Variants in COLEC12 observed in about 807,000 individuals in gnomAD.
COLEC12 encodes the protein collectin subfamily member 12, also known as collectin-12.
Under a neutral mutation model 71.1 loss-of-function variants are expected in COLEC12, and 33 were observed. The ratio of observed to expected loss-of-function variants is 0.46; its 90% confidence interval spans 0.35 to 0.62. COLEC12 has a LOEUF of 0.62. Ranked by LOEUF, COLEC12 falls within the 20% of genes least tolerant of loss-of-function variation. COLEC12 has a pLI of 0.00. For missense variants in COLEC12, 765 were observed against 916.1 expected (o/e 0.84, Z 2.13); for synonymous variants, 350 against 353.0 (o/e 0.99, Z 0.10).
rs529719268 is a variant in COLEC12, at chr18:469,910, A to T, written c.58+10797T>A. Among the ~76,000 whole-genome samples, 7 of 152,298 alleles carry T rather than the reference A, an allele frequency of 4.6e-5. No individual in the cohort carries two copies. In the South Asian group the frequency reaches 1.4e-3, roughly 32 times the overall value. ...ATAACTTTTGTTTTCCAAGAAATTG[A>T]AACAAGATGAATTAATAAGTATTGA... On this transcript the variant is annotated intron_variant, in intron 2 of 9. Coordinates refer to ENST00000400256, the MANE Select transcript of COLEC12 (RefSeq NM_130386.3).
intron 1 of COLEC12, among the ~76,000 whole-genome samples, chr18:484,347 C>A (rs1211005939): frequency 6.6e-6 from 1 of 152,200 alleles, no homozygotes; most frequent in Admixed American, 6.5e-5. Flanking sequence ...GCCTCACAGG[C>A]CACCCATCAT....
At chr18:355,803 G>A (rs1045270680) in intron 3 of COLEC12, among the ~76,000 whole-genome samples, 1 of 152,114 alleles carries the variant, frequency 6.6e-6, no homozygotes, top group Non-Finnish European at 1.5e-5. Context: ...GGATTACCTG[G>A]GACATGGAAA....
At chr18:403,169 A>C (rs1036839393) in intron 2 of COLEC12, among the ~76,000 whole-genome samples, 1 of 152,172 alleles carries the variant, frequency 6.6e-6, no homozygotes, top group African/African-American at 2.4e-5. Context: ...GTGAGACAGA[A>C]CTGGCAACAT....
chr18:407,914 G>A (rs990113154), intron 2 of COLEC12, among the ~76,000 whole-genome samples: 3 of 152,216 alleles, frequency 2.0e-5, no homozygotes, highest in African/African-American at 7.2e-5. Flanking sequence ...TCTCTGGGGA[G>A]TGGGGCCTGA....
chr18:407,336 A>G (rs1217486748), intron 2 of COLEC12, among the ~76,000 whole-genome samples: 1 of 152,180 alleles, frequency 6.6e-6, no homozygotes, highest in East Asian at 1.9e-4. Flanking sequence ...AAAGGGATTT[A>G]TTATAAGGGA....
intron 2 of COLEC12, among the ~76,000 whole-genome samples, chr18:368,736 G>C (rs771482271): frequency 4.0e-5 from 6 of 151,350 alleles, no homozygotes; most frequent in Admixed American, 6.6e-5. Flanking sequence ...CGTGGTGGCG[G>C]GCGCCTGTAG....
At chr18:466,935 T>C (rs141724480) in intron 2 of COLEC12, among the ~76,000 whole-genome samples, 2 of 152,244 alleles carry the variant, frequency 1.3e-5, no homozygotes, top group African/African-American at 4.8e-5. Context: ...TTCTCTCCTT[T>C]AGTACTTCAG....
At chr18:374,053 A>G (rs960091317) in intron 2 of COLEC12, among the ~76,000 whole-genome samples, 4 of 152,184 alleles carry the variant, frequency 2.6e-5, no homozygotes, top group Non-Finnish European at 5.9e-5. Context: ...GCTCTTGTGC[A>G]TGTCTGTAAA....
chr18:442,779 G>A (rs1325017868), intron 2 of COLEC12, among the ~76,000 whole-genome samples: 2 of 152,218 alleles, frequency 1.3e-5, no homozygotes, highest in Non-Finnish European at 2.9e-5. Context: ...GGCTAACACG[G>A]TGAAACCCTG....
At chr18:375,384 G>C (rs1915091357) in intron 2 of COLEC12, among the ~76,000 whole-genome samples, 1 of 151,866 alleles carries the variant, frequency 6.6e-6, no homozygotes, top group African/African-American at 2.4e-5. Flanking sequence ...CCTTTTTTCG[G>C]GTTTTTACTT....
At chr18:340,089 A>AAAAAAAC (rs1468587787) in intron 5 of COLEC12, among the ~76,000 whole-genome samples, 1 of 151,454 alleles carries the variant, frequency 6.6e-6, no homozygotes, top group Non-Finnish European at 1.5e-5. Flanking sequence ...AAAAAAAAAA[A>AAAAAAAC]AACAAAAAGA....
intron 1 of COLEC12, among the ~76,000 whole-genome samples, chr18:486,692 G>A (rs925784203): frequency 6.6e-6 from 1 of 152,162 alleles, no homozygotes; most frequent in African/African-American, 2.4e-5. Flanking sequence ...AAGCTAAGAG[G>A]CAATGATTGA....
chr18:466,493 T>A (rs1007364628), intron 2 of COLEC12, among the ~76,000 whole-genome samples: 35 of 152,102 alleles, frequency 2.3e-4, no homozygotes, highest in Admixed American at 6.6e-4. Context: ...TGATTTGGGG[T>A]CTAGGCTCTG....
intron 3 of COLEC12, 100 bp from the exon 4 acceptor site, chr18:348,263 G>C (rs1363555141): frequency 2.6e-5 from 19 of 733,446 alleles, no homozygotes; most frequent in Non-Finnish European, 4.1e-5. Context: ...AAAGGAAACA[G>C]ATTGAACGAA....
intron 2 of COLEC12, among the ~76,000 whole-genome samples, chr18:451,592 C>T (rs889345814): frequency 6.6e-6 from 1 of 151,924 alleles, no homozygotes; most frequent in African/African-American, 2.4e-5. Context: ...CTAAAAAATA[C>T]AAAAATTAGC....
chr18:395,758 AAAAG>A (rs1915557875), intron 2 of COLEC12, among the ~76,000 whole-genome samples: 1 of 152,196 alleles, frequency 6.6e-6, no homozygotes, highest in Non-Finnish European at 1.5e-5. Flanking sequence ...GTTTCTTGTT[AAAAG>A]ACCAGGTCCC....
In COLEC12 at chr18:362,780, C is replaced by T. The variant is rs966013195; in HGVS notation, c.59-5258G>A. ...AGGACCTGAAGGGTGCATGCCTTTC[C>T]GCTGCTTTTCCCTCTTGAACTATCT... On this transcript the variant is annotated intron_variant, in intron 2 of 9. Transcript: ENST00000400256. This position sits in a 1 kb window ranked among gnomAD's most constrained non-coding sequence, Gnocchi z 4.6. Among the ~76,000 whole-genome samples, 1 of 152,148 alleles carries T rather than the reference C, an allele frequency of 6.6e-6. No individual in the cohort carries two copies. Among genetic ancestry groups the T allele is most frequent in the Non-Finnish European group, 1.5e-5 (1 of 68,028 alleles).
intron 2 of COLEC12, among the ~76,000 whole-genome samples, chr18:424,569 T>C (rs566542562): frequency 1.1e-3 from 171 of 152,346 alleles, no homozygotes; most frequent in Non-Finnish European, 1.5e-4. Flanking sequence ...ATAGTCTCAC[T>C]ATGAACACTG....
At chr18:438,161 C>T (rs1420287151) in intron 2 of COLEC12, among the ~76,000 whole-genome samples, 1 of 152,122 alleles carries the variant, frequency 6.6e-6, no homozygotes, top group Non-Finnish European at 1.5e-5. Flanking sequence ...TACAGAGATA[C>T]TATTGGATAT....
Sources: allele counts gnomAD v4.1 joint callset (sites outside exome capture counted in the v4.1 genomes callset), GRCh38; gene constraint gnomAD v4.1.1; non-coding constraint Gnocchi (gnomAD v3.1); transcripts MANE v1.5; gene names NCBI Gene and HGNC (gene_info 2026-07-23, HGNC 2026-07-21).